The following DLG3 variants were observed in gnomAD, a reference collection of about 807,000 sequenced individuals.
DLG3 encodes disks large homolog 3.
DLG3 carries 1 observed loss-of-function variant against 64.1 expected under a neutral mutation model. That is an observed-to-expected ratio of 0.02 (90% CI 0.01 to 0.07). The LOEUF is 0.07. DLG3 is among the 10% of genes least tolerant of loss of function. The pLI is 1.00. For synonymous variants in DLG3, 245 were observed against 259.8 expected, an observed-to-expected ratio of 0.94 and a Z score of 0.55; for missense variants, 429 against 669.5, an observed-to-expected ratio of 0.64 and a Z score of 3.96.
intron 9 of DLG3, 44 bp from the exon 10 acceptor site, chrX:70,479,106 T>A: frequency 1.8e-6 from 2 of 1,140,079 alleles, no homozygotes; most frequent in Middle Eastern, 2.4e-4. Flanking sequence ...GAGGCGCTCC[T>A]TGAGTTCATT....
At chrX:70,500,708 G>A (rs1281912313) in intron 17 of DLG3, 128 bp downstream of exon 17, 4 of 697,000 alleles carry the variant, frequency 5.7e-6, no homozygotes, top group African/African-American at 2.2e-5. Flanking sequence ...GTCACTGGGC[G>A]CTCCTGTTTT....
intron 9 of DLG3, among the ~76,000 whole-genome samples, chrX:70,457,832 A>G (rs1602894227): frequency 9.2e-6 from 1 of 109,152 alleles, no homozygotes; most frequent in Non-Finnish European, 1.9e-5. Flanking sequence ...CGGCCTCCCA[A>G]AGTGCTGGGA....
At chrX:70,455,126 C>T (rs2086681293) in intron 9 of DLG3, 2 of 735,972 alleles carry the variant, frequency 2.7e-6, no homozygotes, top group Non-Finnish European at 3.2e-6. Context: ...TCTCCTCCTC[C>T]TCCCTCCTTC....
At chrX:70,477,616 C>A (rs979903453) in intron 9 of DLG3, among the ~76,000 whole-genome samples, 2 of 111,391 alleles carry the variant, frequency 1.8e-5, no homozygotes, top group African/African-American at 6.5e-5. Flanking sequence ...CACCCCACCC[C>A]CCGCAACGTT....
At chrX:70,500,622 C>G (rs138817395) in intron 17 of DLG3, 42 bp downstream of exon 17, 1 of 1,037,454 alleles carries the variant, frequency 9.6e-7, no homozygotes, top group Non-Finnish European at 1.4e-6. Flanking sequence ...AAGCTAAGAT[C>G]GGGTCTGGAA....
At chrX:70,489,033 A>G (rs1004932466) in intron 10 of DLG3, among the ~76,000 whole-genome samples, 4 of 112,105 alleles carry the variant, frequency 3.6e-5, no homozygotes, top group Non-Finnish European at 7.5e-5. Flanking sequence ...TTGCCAGGGA[A>G]CTTAGAACCA....
chrX:70,485,092 G>A (rs1330838070), intron 10 of DLG3, among the ~76,000 whole-genome samples: 1 of 111,520 alleles, frequency 9.0e-6, no homozygotes, highest in Non-Finnish European at 1.9e-5. Flanking sequence ...AGTACTTTCT[G>A]GCCAAAGGAA....
In DLG3 at chrX:70,500,443, T is replaced by G. The variant is rs766808685; in HGVS notation, c.2146-28T>G. On this transcript the variant is annotated intron_variant, in intron 16 of 18. Coordinates refer to ENST00000374360, the MANE Select transcript of DLG3 (RefSeq NM_021120.4). ...TGGGACTTGGTGAATAGGGAGTGGC[T>G]GGGCTGTTACAATCTCTGCTTTTTC... is the stretch of plus-strand genomic sequence containing the variant. 8.1e-6 allele frequency: 9 copies of G among 1,115,031 alleles called. No individual in the cohort carries two copies. The East Asian group carries it at 2.7e-4, about 33-fold the overall frequency. The allele number at this position is 1,115,031 out of a possible 1,213,427, so 91.9% of individuals were successfully genotyped here. A position where few individuals can be genotyped will look rare whatever the true frequency, so the allele number is the denominator to read the frequency against.
rs190622482 is a variant in DLG3, at chrX:70,497,579, A to G, written c.1820-941A>G. 4.5e-5 allele frequency among the ~76,000 whole-genome samples: 5 copies of G among 112,352 alleles called. No individual in the cohort carries two copies. In the East Asian group the frequency reaches 1.4e-3, roughly 32 times the overall value. On this transcript the variant is annotated intron_variant, in intron 13 of 18. Coordinates refer to ENST00000374360, the MANE Select transcript of DLG3 (RefSeq NM_021120.4). The stretch of plus-strand genomic sequence containing the variant: ...AGACCAAAAGAAAAATGGCTCCTCT[A>G]GGACACTGCCCTAAATCTGCCTTTC...
intron 3 of DLG3, 52 bp from the exon 4 acceptor site, chrX:70,449,637 AG>A (rs2086598377): frequency 6.1e-6 from 6 of 982,932 alleles, no homozygotes; most frequent in Non-Finnish European, 7.9e-6. Context: ...GAAGCAGGAG[AG>A]GGGGTGGAGG....
At chrX:70,493,241 C>G (rs1300255132) in intron 12 of DLG3, 4 of 533,002 alleles carry the variant, frequency 7.5e-6, no homozygotes, top group Non-Finnish European at 1.3e-5. Flanking sequence ...ATCTCATAGA[C>G]TCCATTTGTG....
At chrX:70,488,153 AG>A (rs1429924577) in intron 10 of DLG3, among the ~76,000 whole-genome samples, 2 of 109,996 alleles carry the variant, frequency 1.8e-5, no homozygotes, top group Admixed American at 1.9e-4. Flanking sequence ...CTGGGACTAC[AG>A]GCATGCACCA....
intron 10 of DLG3, among the ~76,000 whole-genome samples, chrX:70,483,957 T>G (rs1326676200): frequency 8.9e-6 from 1 of 112,168 alleles, no homozygotes; most frequent in African/African-American, 3.2e-5. Flanking sequence ...ACTTCTTGCT[T>G]AGGGTTGGGA....
At chrX:70,472,704 T>C (rs1182279085) in intron 9 of DLG3, among the ~76,000 whole-genome samples, 1 of 112,335 alleles carries the variant, frequency 8.9e-6, no homozygotes, top group Non-Finnish European at 1.9e-5. Context: ...ATAGAAAGCA[T>C]GTGCTTCGTC....
chrX:70,479,775 A>G (rs2087120901), intron 10 of DLG3, among the ~76,000 whole-genome samples: 1 of 111,179 alleles, frequency 9.0e-6, no homozygotes, highest in African/African-American at 3.3e-5. Flanking sequence ...CACCCGCTGC[A>G]CTGGTCTGCT....
At chrX:70,452,586 G>C in intron 7 of DLG3, 1 of 1,171,392 alleles carries the variant, frequency 8.5e-7, no homozygotes, top group Non-Finnish European at 1.1e-6. Flanking sequence ...CAGTGGAGCC[G>C]GAAGGGTAGG....
intron 8 of DLG3, 91 bp downstream of exon 8, chrX:70,453,884 T>G (rs1328378313): frequency 1.2e-5 from 11 of 894,652 alleles, no homozygotes; most frequent in Non-Finnish European, 1.5e-5. Flanking sequence ...GAATGCTTCT[T>G]GAGATGAAGG....
rs2087266906 is a variant in DLG3, at chrX:70,487,027, AT to A, written c.1521-5075del. Among the ~76,000 whole-genome samples the A allele has an allele frequency of 3.6e-5, 4 of 112,113 alleles. No homozygotes were observed. In the South Asian group the frequency reaches 1.5e-3, roughly 42 times the overall value. On this transcript the variant is annotated intron_variant, in intron 10 of 18. Transcript: ENST00000374360. ...TAAAGATCTTAGGAAAGCAGTCAAT[AT>A]TTTTAAAAAAATTATTAAGGTCTAA...
intron 18 of DLG3, 29 bp from the exon 19 acceptor site, chrX:70,502,134 T>C: frequency 9.2e-7 from 1 of 1,090,868 alleles, no homozygotes. Flanking sequence ...TGGACCACAG[T>C]AATAATTTTG....
Sources: allele counts gnomAD v4.1 joint callset (sites outside exome capture counted in the v4.1 genomes callset), GRCh38; gene constraint gnomAD v4.1.1; transcripts MANE v1.5; gene names NCBI Gene and HGNC (gene_info 2026-07-23, HGNC 2026-07-21).